Variants in AKAP6 observed in about 807,000 individuals in gnomAD.
The protein encoded by AKAP6 is A-kinase anchoring protein 6, also known as A-kinase anchor protein 6.
In AKAP6, 58 loss-of-function variants were observed where a neutral mutation model predicts 188.5. The ratio of observed to expected loss-of-function variants is 0.31; its 90% confidence interval spans 0.25 to 0.38. AKAP6 has a LOEUF of 0.38. Among genes scored for constraint, AKAP6 ranks in the 10% least tolerant of loss-of-function variants. The pLI, the probability that AKAP6 is intolerant of heterozygous loss-of-function variation, is 1.00. For synonymous variants in AKAP6, 989 were observed against 998.6 expected, an observed-to-expected ratio of 0.99 and a Z score of 0.18; for missense variants, 2,710 against 2,740.0, an observed-to-expected ratio of 0.99 and a Z score of 0.24.
chr14:32,335,856 T>C (rs1886678621), intron 1 of AKAP6, among the ~76,000 whole-genome samples: 1 of 150,304 alleles, frequency 6.7e-6, no homozygotes, highest in Admixed American at 6.6e-5. Flanking sequence ...TTTTTTTTTT[T>C]TTTTTTTTTA....
intron 7 of AKAP6, among the ~76,000 whole-genome samples, chr14:32,633,644 C>T (rs1358167741): frequency 6.6e-6 from 1 of 152,096 alleles, no homozygotes; most frequent in African/African-American, 2.4e-5. Flanking sequence ...CAAATAGGAG[C>T]TGCATCCAGG....
chr14:32,397,769 T>C (rs936538007), intron 1 of AKAP6, among the ~76,000 whole-genome samples: 3 of 152,136 alleles, frequency 2.0e-5, no homozygotes, highest in Non-Finnish European at 2.9e-5. Flanking sequence ...AGGTACAATA[T>C]AAGGAAGGCC....
At position 32,834,383 on chromosome 14, in the gene AKAP6, T is replaced by A. The variant is rs12885124; in HGVS notation, c.*4578T>A. 6.6e-6 allele frequency: 1 copy of A among 151,270 alleles called. No homozygotes were observed. The highest frequency in any genetic ancestry group is 2.1e-4 in the South Asian group (1 of 4,814). 9.4% of individuals were successfully genotyped at this position (151,270 alleles called of 1,614,324 possible). Reference sequence around the variant, plus strand: ...CCTGGGCAAGAAGAGTGAAATTTTGTCTCAAAAAAAAAAATGTAATATTAA... The same window carrying A: ...CCTGGGCAAGAAGAGTGAAATTTTGACTCAAAAAAAAAAATGTAATATTAA... On this transcript the variant is annotated 3_prime_UTR_variant, in exon 14 of 14. Coordinates refer to ENST00000280979, the MANE Select transcript of AKAP6 (RefSeq NM_004274.5).
In AKAP6 at chr14:32,592,883, A is replaced by C. The variant is rs74741230; in HGVS notation, c.2470-6527A>C. On this transcript the variant is annotated intron_variant, in intron 5 of 13. Coordinates refer to ENST00000280979, the MANE Select transcript of AKAP6 (RefSeq NM_004274.5). ...CACAGTGAGTGATGGAGGAGCCAGG[A>C]TTTGAACACAGGCTGTCCTGCTCCA... 2.8e-3 allele frequency among the ~76,000 whole-genome samples: 430 copies of C among 152,272 alleles called. 17 individuals are homozygous for C. In the East Asian group the frequency reaches 0.072, roughly 26 times the overall value.
chr14:32,805,377 A>C (rs1412491162), intron 12 of AKAP6, among the ~76,000 whole-genome samples: 1 of 152,208 alleles, frequency 6.6e-6, no homozygotes, highest in Non-Finnish European at 1.5e-5. Flanking sequence ...ACCATGATTC[A>C]TTTAGATGTG....
Position 32,679,877 on chromosome 14 carries a change from G to A in AKAP6, c.2879+1418G>A, listed in dbSNP as rs1018812568. Among the ~76,000 whole-genome samples, 4 of 152,180 alleles carry A rather than the reference G, an allele frequency of 2.6e-5. No homozygotes were observed. The South Asian group carries it at 6.2e-4, about 24-fold the overall frequency. ...GAAAAACATAGCAGCAAATAAGAAA[G>A]AAAAGGTTAAATCTTGAAGCATGAA... is the stretch of plus-strand genomic sequence containing the variant. On this transcript the variant is annotated intron_variant, in intron 8 of 13. Transcript: ENST00000280979.
At chr14:32,795,665 C>A (rs1347664642) in intron 12 of AKAP6, among the ~76,000 whole-genome samples, 1 of 151,834 alleles carries the variant, frequency 6.6e-6, no homozygotes, top group African/African-American at 2.4e-5. Flanking sequence ...CCATTTATGA[C>A]AAATCAATAG....
At chr14:32,516,909 C>T (rs2139043280) in intron 2 of AKAP6, among the ~76,000 whole-genome samples, 1 of 152,256 alleles carries the variant, frequency 6.6e-6, no homozygotes, top group Admixed American at 6.5e-5. Context: ...AGAAAAATAT[C>T]TGATTTTACA....
chr14:32,518,316 C>A (rs1158192627), intron 2 of AKAP6, among the ~76,000 whole-genome samples: 1 of 152,090 alleles, frequency 6.6e-6, no homozygotes, highest in Non-Finnish European at 1.5e-5. Context: ...AGTTCCTCAC[C>A]AGCAATGGAA....
chr14:32,437,104 G>A (rs532121142), intron 2 of AKAP6, among the ~76,000 whole-genome samples: 2 of 152,294 alleles, frequency 1.3e-5, no homozygotes, highest in Admixed American at 6.5e-5. Flanking sequence ...TTCCAAAGAA[G>A]CATTGGGTTT....
At chr14:32,392,345 A>C (rs1391529490) in intron 1 of AKAP6, among the ~76,000 whole-genome samples, 1 of 152,210 alleles carries the variant, frequency 6.6e-6, no homozygotes, top group Non-Finnish European at 1.5e-5. Context: ...AAATAAGGGA[A>C]GAAGGAAGGC....
At chr14:32,808,586 C>G (rs186017352) in intron 12 of AKAP6, among the ~76,000 whole-genome samples, 6 of 152,312 alleles carry the variant, frequency 3.9e-5, no homozygotes, top group African/African-American at 1.4e-4. Flanking sequence ...CCGAAATAAT[C>G]CATGCTTTTT....
At chr14:32,757,169 A>G (rs1428757708) in intron 11 of AKAP6, among the ~76,000 whole-genome samples, 1 of 152,124 alleles carries the variant, frequency 6.6e-6, no homozygotes, top group East Asian at 1.9e-4. Context: ...TTTTCAATAC[A>G]TCTTTTCTTG....
At chr14:32,517,292 T>G (rs1180989459) in intron 2 of AKAP6, among the ~76,000 whole-genome samples, 1 of 152,176 alleles carries the variant, frequency 6.6e-6, no homozygotes, top group Non-Finnish European at 1.5e-5. Context: ...AACAAAATGA[T>G]AGAATATCAT....
At chr14:32,331,209 A>C (rs1177819444) in intron 1 of AKAP6, among the ~76,000 whole-genome samples, 1 of 152,100 alleles carries the variant, frequency 6.6e-6, no homozygotes, top group Non-Finnish European at 1.5e-5. Context: ...GAGTAAAAAA[A>C]AGCAAAAGGC....
intron 11 of AKAP6, among the ~76,000 whole-genome samples, chr14:32,748,547 C>G (rs1296842598): frequency 1.3e-5 from 2 of 152,130 alleles, no homozygotes; most frequent in African/African-American, 4.8e-5. Context: ...ATAGATAAAG[C>G]AAATTCCTTG....
At chr14:32,776,877 G>T (rs2033083808) in intron 12 of AKAP6, among the ~76,000 whole-genome samples, 1 of 152,112 alleles carries the variant, frequency 6.6e-6, no homozygotes, top group South Asian at 2.1e-4. Context: ...TTGCTACAGG[G>T]CAGAGTGCCA....
intron 1 of AKAP6, among the ~76,000 whole-genome samples, chr14:32,348,801 C>T (rs1003457007): frequency 6.6e-6 from 1 of 152,120 alleles, no homozygotes; most frequent in African/African-American, 2.4e-5. Flanking sequence ...ACATTGCTCC[C>T]CACCCAACAC....
At chr14:32,790,052 C>T (rs994673935) in intron 12 of AKAP6, among the ~76,000 whole-genome samples, 2 of 152,184 alleles carry the variant, frequency 1.3e-5, no homozygotes, top group Non-Finnish European at 2.9e-5. Flanking sequence ...CTGAAAAACA[C>T]AACATGATAA....
Sources: gnomAD v4.1 joint callset for allele counts (sites outside exome capture counted in the v4.1 genomes callset) on GRCh38, gnomAD v4.1.1 for gene constraint, MANE v1.5 for transcripts, NCBI Gene and HGNC (gene_info 2026-07-23, HGNC 2026-07-21) for gene names.